CPEB3: variants seen among roughly 807,000 people sequenced by gnomAD.
The protein encoded by CPEB3 is cytoplasmic polyadenylation element-binding protein 3.
CPEB3 carries 20 observed loss-of-function variants against 67.2 expected under a neutral mutation model. The observed-to-expected ratio is 0.30, with a 90% CI of 0.21 to 0.43. The LOEUF is 0.43. Among genes scored for constraint, CPEB3 ranks in the 20% least tolerant of loss-of-function variants. The pLI is 1.00. For synonymous variants in CPEB3, 376 were observed against 393.1 expected (o/e 0.96, Z 0.51); for missense variants, 746 against 968.6 (o/e 0.77, Z 3.05).
intron 1 of CPEB3, among the ~76,000 whole-genome samples, chr10:92,248,019 G>A (rs928815674): frequency 6.6e-6 from 1 of 152,056 alleles, no homozygotes; most frequent in African/African-American, 2.4e-5. Flanking sequence ...GCCATTAAAG[G>A]CTATAAAAAT....
intron 1 of CPEB3, among the ~76,000 whole-genome samples, chr10:92,284,601 T>A (rs1423680380): frequency 6.6e-6 from 1 of 152,134 alleles, no homozygotes; most frequent in African/African-American, 2.4e-5. Context: ...TAATGCCTGC[T>A]TTTCTTGGGG....
intron 1 of CPEB3, among the ~76,000 whole-genome samples, chr10:92,253,780 T>G (rs539881854): frequency 4.6e-5 from 7 of 152,102 alleles, no homozygotes; most frequent in Admixed American, 3.3e-4. Context: ...CACAATATAT[T>G]TGTAAAGGTA....
chr10:92,071,454 G>A (rs774311905), intron 9 of CPEB3, among the ~76,000 whole-genome samples: 3 of 151,918 alleles, frequency 2.0e-5, no homozygotes, highest in African/African-American at 4.8e-5. Context: ...ATGACTGTCC[G>A]GGAGCGGTGG....
Position 92,229,861 on chromosome 10 carries a change from A to G in CPEB3, c.1005+9485T>C. On this transcript the variant is annotated intron_variant, in intron 2 of 9. Transcript: ENST00000265997. ...AGAGGTCGGGACCAGCCTGACCAAC[A>G]TGGAGAAACCCCATCTCTACTAAAA... Among the ~76,000 whole-genome samples, 2 of 152,230 alleles carry G rather than the reference A, an allele frequency of 1.3e-5. 1 individual carries two copies. The highest frequency in any genetic ancestry group is 2.9e-5 in the Non-Finnish European group (2 of 68,044).
At chr10:92,162,622 G>A (rs1399662016) in intron 4 of CPEB3, among the ~76,000 whole-genome samples, 3 of 152,032 alleles carry the variant, frequency 2.0e-5, no homozygotes, top group Admixed American at 6.6e-5. Flanking sequence ...TTTTACAGGG[G>A]GAAATACAAG....
rs778939187 is a variant in CPEB3, at chr10:92,240,094, G to A, written c.257C>T (p.Pro86Leu). ...PLLPGLSFHQPPQQPPPPQEP... is the reference protein window; with the variant it reads ...PLLPGLSFHQLPQQPPPPQEP... ...CTGAGGCGGCGGCGGCTGCTGAGGAGGCTGATGGAAACTCAAGCCTGGCAG... is the reference window on the plus strand; with the variant it reads ...CTGAGGCGGCGGCGGCTGCTGAGGAAGCTGATGGAAACTCAAGCCTGGCAG... Residue 86 changes from proline (P) to leucine (L), a missense_variant, in exon 2 of 10, where the codon CCT becomes CTT. Around this residue, in one of 2 missense-constraint regions of CPEB3, gnomAD observed 643 missense variants for 717.5 expected, o/e 0.90. Transcript: ENST00000265997. 7 of 1,579,750 alleles carry A rather than the reference G, an allele frequency of 4.4e-6. No individual in the cohort carries two copies. In the African/African-American group the frequency reaches 6.7e-5, roughly 15 times the overall value.
Position 92,181,028 on chromosome 10 carries a change from T to TA in CPEB3, c.1166-10dup. ...ATTTATCCCCATGCGTCCTAAAAAA[T>TA]AAAATAATTTTAAGCAAAAAGAATG... On this transcript the variant is annotated splice_polypyrimidine_tract_variant and intron_variant, in intron 3 of 9. Coordinates refer to ENST00000265997, the MANE Select transcript of CPEB3 (RefSeq NM_014912.5). 6.9e-7 allele frequency: 1 copy of TA among 1,445,362 alleles called. No homozygotes were observed. Among genetic ancestry groups the TA allele is most frequent in the Non-Finnish European group, 9.7e-7 (1 of 1,029,310 alleles). The allele number at this position is 1,445,362 out of a possible 1,614,324, so 89.5% of individuals were successfully genotyped here.
chr10:92,156,525 T>C (rs1396625935), intron 4 of CPEB3, among the ~76,000 whole-genome samples: 1 of 152,148 alleles, frequency 6.6e-6, no homozygotes, highest in African/African-American at 2.4e-5. Context: ...TGGTGACTGA[T>C]TAGTACGTGA....
At chr10:92,263,875 C>A (rs567032832) in intron 1 of CPEB3, among the ~76,000 whole-genome samples, 1 of 152,170 alleles carries the variant, frequency 6.6e-6, no homozygotes, top group Non-Finnish European at 1.5e-5. Context: ...ATTTCCTCAT[C>A]ATCTGGTGAT....
intron 6 of CPEB3, chr10:92,118,592 C>A (rs2133577526): frequency 2.8e-6 from 1 of 362,120 alleles, no homozygotes; most frequent in Non-Finnish European, 5.2e-6. Context: ...AGACAAAAAG[C>A]CTAGGGAACT....
intron 4 of CPEB3, among the ~76,000 whole-genome samples, chr10:92,173,730 GT>G (rs779445150): frequency 6.6e-6 from 1 of 152,112 alleles, no homozygotes; most frequent in Admixed American, 6.6e-5. Context: ...AAATGAGAAA[GT>G]CAAAACAAAA....
intron 4 of CPEB3, among the ~76,000 whole-genome samples, chr10:92,155,136 G>A (rs1417577643): frequency 6.6e-6 from 1 of 152,176 alleles, no homozygotes; most frequent in African/African-American, 2.4e-5. Context: ...TTGAACCCGT[G>A]AGGCGGAGGT....
At chr10:92,101,762 G>A (rs1435338525) in intron 7 of CPEB3, among the ~76,000 whole-genome samples, 1 of 152,098 alleles carries the variant, frequency 6.6e-6, no homozygotes, top group Non-Finnish European at 1.5e-5. Flanking sequence ...ACAAAAATTA[G>A]CTGGGCGTGG....
chr10:92,111,679 G>A (rs1311771668), intron 6 of CPEB3, among the ~76,000 whole-genome samples: 1 of 152,216 alleles, frequency 6.6e-6, no homozygotes, highest in Non-Finnish European at 1.5e-5. Context: ...TGGGGAAGCT[G>A]GAGGGAATAG....
chr10:92,145,502 G>A (rs1400894476), intron 4 of CPEB3, among the ~76,000 whole-genome samples: 1 of 152,086 alleles, frequency 6.6e-6, no homozygotes, highest in African/African-American at 2.4e-5. Flanking sequence ...GGTGGTGCAT[G>A]CATGTAATCC....
At chr10:92,139,374 C>T (rs1249514888) in intron 6 of CPEB3, among the ~76,000 whole-genome samples, 1 of 151,262 alleles carries the variant, frequency 6.6e-6, no homozygotes, top group Non-Finnish European at 1.5e-5. Flanking sequence ...CTGTCATCTG[C>T]AACAACATGG....
intron 3 of CPEB3, among the ~76,000 whole-genome samples, chr10:92,188,541 GA>G (rs1848810121): frequency 6.6e-6 from 1 of 151,930 alleles, no homozygotes; most frequent in Non-Finnish European, 1.5e-5. Flanking sequence ...ACAACATGGT[GA>G]AACCCGTCTC....
At chr10:92,098,713 T>C (rs1844014827) in intron 7 of CPEB3, among the ~76,000 whole-genome samples, 1 of 152,098 alleles carries the variant, frequency 6.6e-6, no homozygotes, top group Admixed American at 6.5e-5. Context: ...GAAAGTTTTC[T>C]GGCTAAACTG....
intron 9 of CPEB3, among the ~76,000 whole-genome samples, chr10:92,070,815 A>G (rs1054652790): frequency 5.9e-5 from 9 of 151,362 alleles, no homozygotes; most frequent in Non-Finnish European, 1.3e-4. Context: ...AAATAAAAAT[A>G]AAAAACTCAT....
Sources: gnomAD v4.1 joint callset for allele counts (sites outside exome capture counted in the v4.1 genomes callset) on GRCh38, gnomAD v4.1.1 for gene constraint, gnomAD v4.1.1 regional missense constraint, MANE v1.5 for transcripts, NCBI Gene and HGNC (gene_info 2026-07-23, HGNC 2026-07-21) for gene names.